Variants in DNAJC18 observed in about 807,000 individuals in gnomAD.
The protein encoded by DNAJC18 is DnaJ heat shock protein family (Hsp40) member C18.
A neutral mutation model predicts 48.6 loss-of-function variants in DNAJC18; 40 were observed. The observed-to-expected ratio is 0.82, with a 90% CI of 0.64 to 1.07. The LOEUF is 1.07. Among genes scored for constraint, DNAJC18 ranks in the 50% least tolerant of loss-of-function variants. DNAJC18 has a pLI of 0.00. For missense variants in DNAJC18, 340 were observed against 427.7 expected, an observed-to-expected ratio of 0.79 and a Z score of 1.81; for synonymous variants, 135 against 152.2, an observed-to-expected ratio of 0.89 and a Z score of 0.83.
At chr5:139,434,091 G>T (rs1474707801) in intron 2 of DNAJC18, among the ~76,000 whole-genome samples, 1 of 151,820 alleles carries the variant, frequency 6.6e-6, no homozygotes, top group African/African-American at 2.4e-5. Context: ...GAGTTTTGCC[G>T]TGTTGCCCAG....
chr5:139,419,592 C>T (rs970224718), intron 7 of DNAJC18, among the ~76,000 whole-genome samples: 7 of 152,232 alleles, frequency 4.6e-5, no homozygotes, highest in Non-Finnish European at 1.0e-4. Flanking sequence ...TGGACCAAAT[C>T]AGCGAGCACC....
At chr5:139,424,348 T>C (rs1445235741) in intron 5 of DNAJC18, among the ~76,000 whole-genome samples, 3 of 152,170 alleles carry the variant, frequency 2.0e-5, no homozygotes, top group Admixed American at 6.5e-5. Flanking sequence ...TTCTTGTCCT[T>C]GAGCTTCATG....
Position 139,413,120 on chromosome 5 carries a change from T to C in DNAJC18, c.*1028A>G. The C allele has an allele frequency of 2.6e-6, 1 of 388,368 alleles. No individual in the cohort carries two copies. The highest frequency in any genetic ancestry group is 4.5e-6 in the Non-Finnish European group (1 of 220,088). The allele number at this position is 388,368 out of a possible 1,614,324, so 24.1% of individuals were successfully genotyped here. A position where few individuals can be genotyped will look rare whatever the true frequency, so the allele number is the denominator to read the frequency against. ...ATATGTGTGAGAGCCCCTGCTTTTA[T>C]AGTAGGCACTCAATAAATGTTGAAT... On this transcript the variant is annotated 3_prime_UTR_variant, in exon 8 of 8. Transcript: ENST00000302060.
Position 139,415,597 on chromosome 5 carries a change from G to A in DNAJC18, c.953-1325C>T, listed in dbSNP as rs763325524. ...GCGCCTGCTAGCCAGGGCTTGCCTT[G>A]GCACAGTCACCCTTGCAGGTGATGG... On this transcript the variant is annotated intron_variant, in intron 7 of 7. Transcript: ENST00000302060. Among the ~76,000 whole-genome samples, 71 of 152,298 alleles carry A rather than the reference G, an allele frequency of 4.7e-4. 1 individual carries two copies. Among genetic ancestry groups the A allele is most frequent in the South Asian group, 6.2e-4 (3 of 4,828 alleles).
intron 7 of DNAJC18, among the ~76,000 whole-genome samples, chr5:139,414,489 T>C (rs1217731651): frequency 1.3e-5 from 2 of 152,244 alleles, no homozygotes; most frequent in Non-Finnish European, 2.9e-5. Flanking sequence ...CAACAGTATC[T>C]GTGCTCTCTT....
chr5:139,423,123 C>G (rs549127904), intron 5 of DNAJC18, among the ~76,000 whole-genome samples: 4 of 151,998 alleles, frequency 2.6e-5, no homozygotes, highest in African/African-American at 4.8e-5. Context: ...TGAGCCACTG[C>G]GCCTGGCCTG....
intron 6 of DNAJC18, among the ~76,000 whole-genome samples, chr5:139,420,471 C>T (rs1759135736): frequency 6.6e-6 from 1 of 151,064 alleles, no homozygotes; most frequent in South Asian, 2.1e-4. Flanking sequence ...TTAAAGGACT[C>T]ACCTCTCTTA....
At chr5:139,418,335 T>C (rs1330769239) in intron 7 of DNAJC18, among the ~76,000 whole-genome samples, 1 of 152,120 alleles carries the variant, frequency 6.6e-6, no homozygotes, top group African/African-American at 2.4e-5. Context: ...ATACTTTTTC[T>C]AGAGATGGGG....
chr5:139,437,374 T>C lies in DNAJC18; in HGVS notation c.225A>G (p.Gln75=). The C allele has an allele frequency of 6.2e-7, 1 of 1,607,824 alleles. No homozygotes were observed. Among genetic ancestry groups the C allele is most frequent in the Non-Finnish European group, 8.5e-7 (1 of 1,177,312 alleles). ...ATTTAATCTCACCACATGCTCACCT[T>C]TGTACCCCAAGCAGCTGTTCCTCAC... is the stretch of plus-strand genomic sequence containing the variant. ...TYSEEQLLGV[Q]RIKKCRNYYE... The change falls in exon 2 of 8, where the codon CAA becomes CAG. Residue 75 remains glutamine (Q), a splice_region_variant and synonymous_variant. Coordinates refer to ENST00000302060, the MANE Select transcript of DNAJC18 (RefSeq NM_152686.4).
chr5:139,417,568 A>ATTT (rs762169642), intron 7 of DNAJC18, among the ~76,000 whole-genome samples: 4 of 114,466 alleles, frequency 3.5e-5, no homozygotes, highest in Non-Finnish European at 5.5e-5. Context: ...TACTCACTGG[A>ATTT]TTTTTTTTTT....
chr5:139,419,906 T>C, intron 7 of DNAJC18, 147 bp downstream of exon 7: 1 of 767,620 alleles, frequency 1.3e-6, no homozygotes, highest in Admixed American at 3.4e-5. Context: ...TACTTTTTTA[T>C]AGTATCCTGA....
At chr5:139,424,455 C>T (rs1476091401) in intron 5 of DNAJC18, among the ~76,000 whole-genome samples, 1 of 152,008 alleles carries the variant, frequency 6.6e-6, no homozygotes, top group Non-Finnish European at 1.5e-5. Flanking sequence ...GAAGCCGGAG[C>T]GGTGGCTCAT....
rs921563862 is a variant in DNAJC18, at chr5:139,411,692, G to A, written c.*2456C>T. 3.3e-5 allele frequency: 5 copies of A among 152,192 alleles called. No individual in the cohort carries two copies. The highest frequency in any genetic ancestry group is 1.2e-4 in the African/African-American group (5 of 41,434). 9.4% of individuals were successfully genotyped at this position (152,192 alleles called of 1,614,324 possible). Reference sequence around the variant, plus strand: ...CAATAAATAAAACAGTACCATCGGTGCTATAAAAACAGACAATCAGCGTGA... The same window carrying A: ...CAATAAATAAAACAGTACCATCGGTACTATAAAAACAGACAATCAGCGTGA... On this transcript the variant is annotated 3_prime_UTR_variant, in exon 8 of 8. Coordinates refer to ENST00000302060, the MANE Select transcript of DNAJC18 (RefSeq NM_152686.4).
intron 2 of DNAJC18, among the ~76,000 whole-genome samples, chr5:139,436,934 T>C (rs2152085535): frequency 6.6e-6 from 1 of 152,342 alleles, no homozygotes; most frequent in East Asian, 1.9e-4. Flanking sequence ...TAGGAGCTTG[T>C]AGTTTAATTT....
rs1759037354 is a variant in DNAJC18 at position 139,414,166 on chromosome 5, G to A, written c.1059C>T (p.Gly353=). Residue 353 remains glycine, a synonymous_variant, in exon 8 of 8, where the codon GGC becomes GGT. Coordinates refer to ENST00000302060, the MANE Select transcript of DNAJC18 (RefSeq NM_152686.4). ...TATCCTCTCAGCCACCTCTGCGTAGGCCAATGAGTTTGGAAAGTTTCTCAC... is the reference window on the plus strand; with the variant it reads ...TATCCTCTCAGCCACCTCTGCGTAGACCAATGAGTTTGGAAAGTTTCTCAC... The part of the protein sequence containing the change: ...ENCEKLSKLI[G]LRRGG 2.5e-6 allele frequency: 4 copies of A among 1,614,144 alleles called. No individual in the cohort carries two copies. The highest frequency in any genetic ancestry group is 3.4e-6 in the Non-Finnish European group (4 of 1,180,012).
In DNAJC18 at chr5:139,413,091, G is replaced by C. The variant is rs1234545912; in HGVS notation, c.*1057C>G. The C allele has an allele frequency of 2.5e-6, 1 of 395,722 alleles. No homozygotes were observed. The highest frequency in any genetic ancestry group is 4.4e-6 in the Non-Finnish European group (1 of 224,894). The allele number at this position is 395,722 out of a possible 1,614,324, so 24.5% of individuals were successfully genotyped here. A position where few individuals can be genotyped will look rare whatever the true frequency, so the allele number is the denominator to read the frequency against. ...CAGAGTTGTGAGGAGGTTTAAGTAA[G>C]AAAATATGTGTGAGAGCCCCTGCTT... On this transcript the variant is annotated 3_prime_UTR_variant, in exon 8 of 8. Coordinates refer to ENST00000302060, the MANE Select transcript of DNAJC18 (RefSeq NM_152686.4).
rs1759029818 is a variant in DNAJC18, at chr5:139,413,756, C to T, written c.*392G>A. On this transcript the variant is annotated 3_prime_UTR_variant, in exon 8 of 8. Transcript: ENST00000302060. ...AATTCTTGGTAGACAGTGTAAATAA[C>T]TAATATTAAGCTTTGGCTAAGCCTA... 6.1e-6 allele frequency: 1 copy of T among 163,220 alleles called. No homozygotes were observed. Among genetic ancestry groups the T allele is most frequent in the African/African-American group, 2.4e-5 (1 of 41,788 alleles). The allele number at this position is 163,220 out of a possible 1,614,324, so 10.1% of individuals were successfully genotyped here.
chr5:139,425,071 AT>A lies in DNAJC18; in HGVS notation c.602del (p.Tyr201PhefsTer37). The A allele has an allele frequency of 6.2e-7, 1 of 1,613,138 alleles. No homozygotes were observed. Among genetic ancestry groups the A allele is most frequent in the Non-Finnish European group, 8.5e-7 (1 of 1,179,318 alleles). ...MFSNVTDDTYYYRRRHRHERT... is the reference protein window; with the variant it reads ...MFSNVTDDTYXYRRRHRHERT... ...TCTCATGTCGGTGCCGTCGACGGTA[AT>A]AGTAAGTGTCATCTGTCACATTTGA... is the stretch of plus-strand genomic sequence containing the variant. On this transcript the variant is annotated frameshift_variant, in exon 5 of 8. Transcript: ENST00000302060. LOFTEE classifies it high-confidence loss of function.
intron 2 of DNAJC18, among the ~76,000 whole-genome samples, chr5:139,435,061 A>C (rs960830976): frequency 6.6e-6 from 1 of 152,110 alleles, no homozygotes; most frequent in African/African-American, 2.4e-5. Context: ...AAGTGTTTTT[A>C]TTATGAAAGA....
Sources: allele counts gnomAD v4.1 joint callset (sites outside exome capture counted in the v4.1 genomes callset), GRCh38; gene constraint gnomAD v4.1.1; transcripts MANE v1.5; gene names NCBI Gene and HGNC (gene_info 2026-07-23, HGNC 2026-07-21).